Variants in CPED1 observed in about 807,000 individuals in gnomAD.
CPED1 encodes cadherin-like and PC-esterase domain-containing protein 1.
Under a neutral mutation model 128.2 loss-of-function variants are expected in CPED1, and 114 were observed. The ratio of observed to expected loss-of-function variants is 0.89; its 90% CI spans 0.76 to 1.04. The LOEUF (loss-of-function observed/expected upper bound fraction) is 1.04. CPED1 is among the 50% of genes least tolerant of loss of function. The probability of loss-of-function intolerance (pLI) is 0.00; values close to 1 mark genes in which losing one functional copy is unlikely to be tolerated. For missense variants in CPED1, 1,211 were observed against 1,207.1 expected, an observed-to-expected ratio of 1.00 and a Z score of -0.05; for synonymous variants, 462 against 426.7, an observed-to-expected ratio of 1.08 and a Z score of -1.02.
intron 16 of CPED1, among the ~76,000 whole-genome samples, chr7:121,200,939 A>G (rs1167069266): frequency 7.6e-6 from 1 of 130,720 alleles, no homozygotes; most frequent in East Asian, 3.7e-4. Flanking sequence ...ATCCACATTA[A>G]AGGCAAATCA....
At chr7:121,166,605 T>G (rs1038323037) in intron 16 of CPED1, among the ~76,000 whole-genome samples, 1 of 152,142 alleles carries the variant, frequency 6.6e-6, no homozygotes, top group Non-Finnish European at 1.5e-5. Flanking sequence ...TAAAAACAAC[T>G]CATGATGCTC....
At position 121,236,717 on chromosome 7, in the gene CPED1, T is replaced by C. The variant is rs757549740; in HGVS notation, c.2059T>C (p.Cys687Arg). ...AFTACGFVQD[C>R]GLLIHPEETC... ...AATATCTATTATTTTAATGCAGGAT[T>C]GTGGTTTGCTGATTCATCCAGAGGA... is the stretch of plus-strand genomic sequence containing the variant. The change falls in exon 17 of 23, where the codon TGT becomes CGT. Residue 687 changes from cysteine to arginine, a missense_variant. Physicochemically the swap from Cys to Arg is radical, Grantham distance 180 (BLOSUM62 -3). Transcript: ENST00000310396. 1 of 1,570,158 alleles carries C rather than the reference T, an allele frequency of 6.4e-7. No individual in the cohort carries two copies. The highest frequency in any genetic ancestry group is 1.9e-5 in the Admixed American group (1 of 53,176).
At position 121,140,753 on chromosome 7, in the gene CPED1, C is replaced by T; in HGVS notation, c.1700-74C>T. The stretch of plus-strand genomic sequence containing the variant: ...TTCAAAGGAAACAGAAAAAGAAAAA[C>T]CTAATCATATATTATTTAAAGATAT... On this transcript the variant is annotated intron_variant, in intron 14 of 22. Transcript: ENST00000310396. The T allele has an allele frequency of 2.8e-6, 3 of 1,070,398 alleles. No homozygotes were observed. In the South Asian group the frequency reaches 4.5e-5, roughly 16 times the overall value. The allele number at this position is 1,070,398 out of a possible 1,614,324, so 66.3% of individuals were successfully genotyped here. A position where few individuals can be genotyped will look rare whatever the true frequency, so the allele number is the denominator to read the frequency against.
In CPED1 at chr7:121,085,906, T is replaced by C. The variant is rs572527565; in HGVS notation, c.617-11793T>C. On this transcript the variant is annotated intron_variant, in intron 5 of 22. Coordinates refer to ENST00000310396, the MANE Select transcript of CPED1 (RefSeq NM_024913.5). ...CAATGTCCCGACTGAGCCTGAAATA[T>C]TTCTCCCGAACAGAGTTTGGATACA... Among the ~76,000 whole-genome samples, 307 of 152,320 alleles carry C rather than the reference T, an allele frequency of 2.0e-3. 1 individual carries two copies. Among genetic ancestry groups the C allele is most frequent in the Non-Finnish European group, 3.7e-3 (250 of 68,038 alleles).
chr7:121,172,032 A>AT (rs1796657384), intron 16 of CPED1, among the ~76,000 whole-genome samples: 1 of 152,216 alleles, frequency 6.6e-6, no homozygotes, highest in Non-Finnish European at 1.5e-5. Flanking sequence ...TGACAGCTAT[A>AT]TAAAAAAATA....
chr7:121,274,230 T>C (rs1792289645), intron 22 of CPED1, among the ~76,000 whole-genome samples: 1 of 152,132 alleles, frequency 6.6e-6, no homozygotes, highest in South Asian at 2.1e-4. Flanking sequence ...CCAGTTCACA[T>C]TAATAGCCAT....
At chr7:121,063,381 G>A (rs1301907213) in intron 4 of CPED1, among the ~76,000 whole-genome samples, 40 of 67,024 alleles carry the variant, frequency 6.0e-4, no homozygotes, top group South Asian at 1.6e-3. Flanking sequence ...TGAAGAAACT[G>A]AAAAAAAAAA....
chr7:121,258,018 G>A (rs1275627082), intron 18 of CPED1, among the ~76,000 whole-genome samples: 1 of 152,024 alleles, frequency 6.6e-6, no homozygotes, highest in African/African-American at 2.4e-5. Context: ...CATTAATGGA[G>A]TAGGAAAAGT....
chr7:121,019,400 T>C lies in CPED1; in HGVS notation c.433+3552T>C, dbSNP rs1420601594. Among the ~76,000 whole-genome samples the C allele has an allele frequency of 2.6e-5, 4 of 152,130 alleles. No individual in the cohort carries two copies. The East Asian group carries it at 7.7e-4, about 29-fold the overall frequency. On this transcript the variant is annotated intron_variant, in intron 3 of 22. Transcript: ENST00000310396. ...AGTTCTAGAAGGAGACAAAGTAAAGTCCAGTCAGTGTTTTATCTCATGCAG... is the reference window on the plus strand; with the variant it reads ...AGTTCTAGAAGGAGACAAAGTAAAGCCCAGTCAGTGTTTTATCTCATGCAG...
At chr7:120,996,287 A>G (rs1313632829) in intron 2 of CPED1, among the ~76,000 whole-genome samples, 1 of 152,126 alleles carries the variant, frequency 6.6e-6, no homozygotes, top group Non-Finnish European at 1.5e-5. Context: ...CTGTCTCAAA[A>G]AAAAAAGAAA....
chr7:121,261,719 C>T (rs1407648009), intron 18 of CPED1: 1 of 1,600,570 alleles, frequency 6.2e-7, no homozygotes, highest in Non-Finnish European at 8.5e-7. Context: ...CTCCCTGCCC[C>T]ACCCCTGCAC....
chr7:121,046,153 T>A (rs947729824), intron 3 of CPED1, among the ~76,000 whole-genome samples: 3 of 152,172 alleles, frequency 2.0e-5, no homozygotes, highest in Non-Finnish European at 4.4e-5. Context: ...GGCAAGAATG[T>A]ACCCTTCTGA....
intron 4 of CPED1, 81 bp downstream of exon 4, chr7:121,047,074 G>C: frequency 7.2e-6 from 6 of 834,906 alleles, no homozygotes; most frequent in Non-Finnish European, 1.2e-5. Context: ...TAATGTTTAA[G>C]AGTCTTAAAG....
rs1792225868 is a variant in CPED1, at chr7:121,271,404, G to A, written c.2842G>A (p.Gly948Arg). ...TMGRYKEFLQ[G>R]KCGCHFHEVV... ...GGGGCGTTACAAAGAGTTTCTACAG[G>A]GGAAGTGTGGATGTCATTTCCATGA... The change falls in exon 22 of 23, where the codon GGG becomes AGG. Residue 948 changes from glycine to arginine, a missense_variant. Coordinates refer to ENST00000310396, the MANE Select transcript of CPED1 (RefSeq NM_024913.5). 3.1e-6 allele frequency: 5 copies of A among 1,612,744 alleles called. No homozygotes were observed. The East Asian group carries it at 1.1e-4, about 36-fold the overall frequency.
intron 16 of CPED1, among the ~76,000 whole-genome samples, chr7:121,199,693 A>G (rs150271630): frequency 0.021 from 1,422 of 67,500 alleles, 29 homozygotes; most frequent in African/African-American, 0.074. Context: ...AAAAAAAAAA[A>G]AAAAAAAGAA....
chr7:121,167,907 G>T (rs913590446), intron 16 of CPED1, among the ~76,000 whole-genome samples: 3 of 151,698 alleles, frequency 2.0e-5, no homozygotes, highest in East Asian at 1.9e-4. Flanking sequence ...AATTTTTTTT[G>T]TATTTTTAGT....
chr7:121,124,883 A>G (rs1795467818), intron 8 of CPED1, among the ~76,000 whole-genome samples: 1 of 152,200 alleles, frequency 6.6e-6, no homozygotes, highest in Non-Finnish European at 1.5e-5. Context: ...TATTAAGAAA[A>G]TTCAATAACT....
intron 5 of CPED1, among the ~76,000 whole-genome samples, chr7:121,082,887 C>G (rs1049223769): frequency 1.3e-5 from 2 of 152,026 alleles, no homozygotes; most frequent in African/African-American, 4.8e-5. Context: ...CTGAATTTAC[C>G]TATTCTATTA....
intron 3 of CPED1, among the ~76,000 whole-genome samples, chr7:121,020,643 TAAC>T (rs1317305680): frequency 6.6e-6 from 1 of 151,876 alleles, no homozygotes; most frequent in Non-Finnish European, 1.5e-5. Flanking sequence ...AAATATATAA[TAAC>T]AAAATTAATA....
Sources: gnomAD v4.1 joint callset for allele counts (sites outside exome capture counted in the v4.1 genomes callset) on GRCh38, gnomAD v4.1.1 for gene constraint, MANE v1.5 for transcripts, NCBI Gene and HGNC (gene_info 2026-07-23, HGNC 2026-07-21) for gene names.